The following LRSAM1 variants were observed in gnomAD, a reference collection of about 807,000 sequenced individuals.
The protein encoded by LRSAM1 is leucine rich repeat and sterile alpha motif containing 1, also known as E3 ubiquitin-protein ligase LRSAM1.
A neutral mutation model predicts 118.1 loss-of-function variants in LRSAM1; 96 were observed. The observed-to-expected ratio is 0.81, with a 90% CI of 0.69 to 0.96. The LOEUF is 0.96. LRSAM1 is among the 40% of genes least tolerant of loss of function. The probability of loss-of-function intolerance (pLI) is 0.00; values close to 1 mark genes in which losing one functional copy is unlikely to be tolerated. For synonymous variants in LRSAM1, 322 were observed against 364.2 expected, an observed-to-expected ratio of 0.88 and a Z score of 1.32; for missense variants, 804 against 915.5, an observed-to-expected ratio of 0.88 and a Z score of 1.57.
chr9:127,470,661 G>A (rs184597584), intron 10 of LRSAM1, among the ~76,000 whole-genome samples: 49 of 152,236 alleles, frequency 3.2e-4, no homozygotes, highest in Middle Eastern at 6.8e-3. Context: ...TATACTCAAT[G>A]TGTGGATACC....
At chr9:127,454,677 C>A in intron 3 of LRSAM1, 78 bp downstream of exon 3, 1 of 1,417,128 alleles carries the variant, frequency 7.1e-7, no homozygotes, top group Non-Finnish European at 9.8e-7. Flanking sequence ...GCACTGCCCC[C>A]AACAAGCCGT....
chr9:127,455,540 G>A, intron 4 of LRSAM1, 36 bp from the exon 5 acceptor site: 1 of 1,611,008 alleles, frequency 6.2e-7, no homozygotes, highest in Non-Finnish European at 8.5e-7. Context: ...AAACTGGCAG[G>A]AGGGGAGACA....
intron 23 of LRSAM1, among the ~76,000 whole-genome samples, chr9:127,496,531 C>A (rs1836151919): frequency 6.6e-6 from 1 of 152,254 alleles, no homozygotes. Flanking sequence ...GCTGTGCCAG[C>A]TAACTTTGTA....
At chr9:127,472,491 A>G (rs1269118845) in intron 10 of LRSAM1, among the ~76,000 whole-genome samples, 2 of 151,890 alleles carry the variant, frequency 1.3e-5, no homozygotes, top group African/African-American at 4.8e-5. Flanking sequence ...AAAATACAAA[A>G]TTAGCTGGGT....
chr9:127,489,770 A>G (rs1450513217), intron 19 of LRSAM1, among the ~76,000 whole-genome samples: 6 of 152,134 alleles, frequency 3.9e-5, no homozygotes, highest in African/African-American at 1.4e-4. Context: ...GGTCTCCACC[A>G]CGCCTGGGCC....
chr9:127,463,148 G>A lies in LRSAM1; in HGVS notation c.528+775G>A, dbSNP rs187644239. Among the ~76,000 whole-genome samples, 925 of 148,526 alleles carry A rather than the reference G, an allele frequency of 6.2e-3. 12 individuals are homozygous for A. The highest frequency in any genetic ancestry group is 0.022 in the African/African-American group (885 of 40,136). On this transcript the variant is annotated intron_variant, in intron 9 of 25. Coordinates refer to ENST00000300417, the MANE Select transcript of LRSAM1 (RefSeq NM_001005373.4). ...CGGGAGGCGGAGATTGCAGTGAGCC[G>A]AGATTGCGCCATTGCATTCCAGCCT... is the stretch of plus-strand genomic sequence containing the variant.
chr9:127,495,391 C>T lies in LRSAM1; in HGVS notation c.1671C>T (p.Asn557=). 6.2e-7 allele frequency: 1 copy of T among 1,613,968 alleles called. No individual in the cohort carries two copies. Residue 557 remains asparagine, a synonymous_variant, in exon 22 of 26, where the codon AAC becomes AAT. Coordinates refer to ENST00000300417, the MANE Select transcript of LRSAM1 (RefSeq NM_001005373.4). ...TGATTCAGTATCAACGGCTTTTGAA[C>T]CAGAAGCCCTTGTCCTTGAAGCTGC... ...YWLIQYQRLL[N]QKPLSLKLQE...
intron 6 of LRSAM1, among the ~76,000 whole-genome samples, chr9:127,457,982 T>A (rs1419848815): frequency 6.6e-6 from 1 of 151,528 alleles, no homozygotes; most frequent in Non-Finnish European, 1.5e-5. Flanking sequence ...TTTTTTTTTT[T>A]AATATTTTGC....
chr9:127,489,296 A>T, intron 18 of LRSAM1, 148 bp from the exon 19 acceptor site: 1 of 938,908 alleles, frequency 1.1e-6, no homozygotes. Context: ...CTTAAGGTTT[A>T]CACAAGTGAG....
chr9:127,462,851 A>T (rs1331963810), intron 9 of LRSAM1, among the ~76,000 whole-genome samples: 1 of 152,080 alleles, frequency 6.6e-6, no homozygotes, highest in Non-Finnish European at 1.5e-5. Flanking sequence ...AAGAAAAAAA[A>T]AGTTAAAAAA....
rs757426906 is a variant in LRSAM1, at chr9:127,462,358, C to T, written c.513C>T (p.His171=). 32 of 1,613,976 alleles carry T rather than the reference C, an allele frequency of 2.0e-5. No homozygotes were observed. Among genetic ancestry groups the T allele is most frequent in the East Asian group, 4.5e-5 (2 of 44,870 alleles). The change falls in exon 9 of 26, where the codon CAC becomes CAT. Residue 171 remains histidine (H), a synonymous_variant. Coordinates refer to ENST00000300417, the MANE Select transcript of LRSAM1 (RefSeq NM_001005373.4). ...AGAGATTGCCGCAGATGCTGGCTCACGTTCGAACCCTGGAGGTAAATGGGA... is the reference window on the plus strand; with the variant it reads ...AGAGATTGCCGCAGATGCTGGCTCATGTTCGAACCCTGGAGGTAAATGGGA... ...EIQRLPQMLA[H]VRTLEMLSLD... is the part of the protein sequence containing the mutation.
In LRSAM1 at chr9:127,479,938, A is replaced by G; in HGVS notation, c.1003A>G (p.Ile335Val). The change falls in exon 14 of 26, where the codon ATT becomes GTT. Residue 335 changes from isoleucine (I) to valine (V), a missense_variant. By Grantham distance (29) the Ile-to-Val change is conservative. Coordinates refer to ENST00000300417, the MANE Select transcript of LRSAM1 (RefSeq NM_001005373.4). ...QEQLKQTEQN[I>V]SSRIQKLLQD... ...GCAGCTGAAGCAGACGGAACAGAAC[A>G]TTTCCAGCCGGATCCAGAAGCTGCT... is the stretch of plus-strand genomic sequence containing the variant. 6.2e-7 allele frequency: 1 copy of G among 1,614,054 alleles called. No homozygotes were observed. The highest frequency in any genetic ancestry group is 8.5e-7 in the Non-Finnish European group (1 of 1,180,008).
intron 25 of LRSAM1, 110 bp downstream of exon 25, chr9:127,501,253 CTG>C (rs1294098437): frequency 3.0e-5 from 41 of 1,358,332 alleles, no homozygotes; most frequent in Non-Finnish European, 3.7e-5. Context: ...TCTAAGTAGA[CTG>C]TGCTCATCTA....
intron 19 of LRSAM1, among the ~76,000 whole-genome samples, chr9:127,490,559 T>C (rs1360541300): frequency 6.6e-6 from 1 of 152,166 alleles, no homozygotes; most frequent in African/African-American, 2.4e-5. Flanking sequence ...CCTTAAACCC[T>C]GAGCTGAGGC....
At chr9:127,500,698 G>A (rs1254825129) in intron 24 of LRSAM1, among the ~76,000 whole-genome samples, 4 of 152,364 alleles carry the variant, frequency 2.6e-5, no homozygotes, top group Admixed American at 6.5e-5. Flanking sequence ...ATCTCTGAAA[G>A]TGCCAAGCCC....
At chr9:127,479,602 G>A (rs1162776605) in intron 13 of LRSAM1, 97 bp downstream of exon 13, 1 of 1,544,704 alleles carries the variant, frequency 6.5e-7, no homozygotes. Context: ...AAAGGCAGTG[G>A]GATGAAGCTG....
chr9:127,481,083 C>A, intron 14 of LRSAM1, 100 bp from the exon 15 acceptor site: 1 of 1,289,278 alleles, frequency 7.8e-7, no homozygotes, highest in Non-Finnish European at 1.1e-6. Flanking sequence ...AGCCAAGGTG[C>A]CCCCAGCCCA....
In LRSAM1 at chr9:127,496,107, C is replaced by T. The variant is rs1281752906; in HGVS notation, c.1830+12C>T. On this transcript the variant is annotated intron_variant, in intron 23 of 25. Coordinates refer to ENST00000300417, the MANE Select transcript of LRSAM1 (RefSeq NM_001005373.4). The stretch of plus-strand genomic sequence containing the variant: ...GGGACCTGGCCAAGGTGGGCAGCAG[C>T]CGTCTGCATGGAGGGGAGGGGCACG... 6.2e-7 allele frequency: 1 copy of T among 1,607,016 alleles called. No homozygotes were observed. Among genetic ancestry groups the T allele is most frequent in the South Asian group, 1.1e-5 (1 of 91,044 alleles).
rs759866619 is a variant in LRSAM1, at chr9:127,481,218, A to G, written c.1079A>G (p.Glu360Gly). 3 of 1,613,676 alleles carry G rather than the reference A, an allele frequency of 1.9e-6. No homozygotes were observed. The highest frequency in any genetic ancestry group is 3.3e-5 in the Admixed American group (2 of 59,996). The change falls in exon 15 of 26, where the codon GAA becomes GGA. Residue 360 changes from glutamate (E) to glycine (G), a missense_variant. By Grantham distance (98) the Glu-to-Gly change is moderately conservative (BLOSUM62 -2). Transcript: ENST00000300417. ...AGCTCCGAGATTTTGAAATCGCTGG[A>G]AAATGAAAGGTAAGTGTTCTTCCAG... Reference protein sequence around the residue: ...KKSSEILKSLENERIRMEQLM... With the variant: ...KKSSEILKSLGNERIRMEQLM...
Sources: allele counts gnomAD v4.1 joint callset (sites outside exome capture counted in the v4.1 genomes callset), GRCh38; gene constraint gnomAD v4.1.1; transcripts MANE v1.5; gene names NCBI Gene and HGNC (gene_info 2026-07-23, HGNC 2026-07-21).